The following COMMD1 variants were observed in gnomAD, a reference collection of about 807,000 sequenced individuals.
COMMD1 encodes the protein COMM domain-containing protein 1.
In COMMD1, 10 loss-of-function variants were observed where a neutral mutation model predicts 17.2. That is an observed-to-expected ratio of 0.58 (90% CI 0.36 to 0.99). The LOEUF (loss-of-function observed/expected upper bound fraction) is 0.99. Ranked by LOEUF, COMMD1 falls within the 50% of genes least tolerant of loss-of-function variation. The pLI is 0.01. For missense variants in COMMD1, 270 were observed against 231.8 expected, an observed-to-expected ratio of 1.17 and a Z score of -1.07; for synonymous variants, 97 against 91.6, an observed-to-expected ratio of 1.06 and a Z score of -0.34.
chr2:62,057,718 C>T (rs1670746066), intron 2 of COMMD1, among the ~76,000 whole-genome samples: 1 of 151,694 alleles, frequency 6.6e-6, no homozygotes, highest in Non-Finnish European at 1.5e-5. Context: ...TACAGGCATG[C>T]ACCACCATAC....
chr2:62,107,355 G>A (rs952518251), intron 2 of COMMD1, among the ~76,000 whole-genome samples: 1 of 152,182 alleles, frequency 6.6e-6, no homozygotes, highest in Admixed American at 6.5e-5. Flanking sequence ...TGGACTGGTA[G>A]CCCCAGAATC....
At chr2:61,915,626 ACT>A in intron 1 of COMMD1, 1 of 436,754 alleles carries the variant, frequency 2.3e-6, no homozygotes. Flanking sequence ...AGTAGCTGAA[ACT>A]GTAAATGCTC....
chr2:62,086,441 G>T (rs944144030), intron 2 of COMMD1, among the ~76,000 whole-genome samples: 27 of 151,690 alleles, frequency 1.8e-4, no homozygotes, highest in African/African-American at 6.5e-4. Flanking sequence ...AACCCGGGAG[G>T]CGGAGCTTGC....
rs137858336 is a variant in COMMD1, at chr2:61,939,600, T to A, written c.180+33742T>A. 1.9e-4 allele frequency among the ~76,000 whole-genome samples: 29 copies of A among 152,360 alleles called. No individual in the cohort carries two copies. The East Asian group carries it at 5.4e-3, about 28-fold the overall frequency. On this transcript the variant is annotated intron_variant, in intron 1 of 2. Coordinates refer to ENST00000311832, the MANE Select transcript of COMMD1 (RefSeq NM_152516.4). ...AAATAACCAGTGTCTCCAGTTGTTTTGTTCTAAAAGACTCTTACTGAACTT... is the reference window on the plus strand; with the variant it reads ...AAATAACCAGTGTCTCCAGTTGTTTAGTTCTAAAAGACTCTTACTGAACTT...
chr2:62,009,798 AAAAT>A (rs1468535608), intron 2 of COMMD1, among the ~76,000 whole-genome samples: 4 of 152,144 alleles, frequency 2.6e-5, no homozygotes, highest in African/African-American at 7.2e-5. Context: ...AATAAAATAA[AAAAT>A]AAAAAAGCTA....
At chr2:61,948,622 C>G (rs1328041597) in intron 1 of COMMD1, among the ~76,000 whole-genome samples, 1 of 152,278 alleles carries the variant, frequency 6.6e-6, no homozygotes, top group East Asian at 1.9e-4. Context: ...ATATAAGAGT[C>G]TGTTCTTGTC....
chr2:62,004,238 T>C (rs1251592730), intron 2 of COMMD1, among the ~76,000 whole-genome samples: 1 of 152,226 alleles, frequency 6.6e-6, no homozygotes, highest in Admixed American at 6.5e-5. Context: ...CATCACATAC[T>C]TCAAAGTAGT....
In COMMD1 at chr2:62,118,530, A is replaced by ATC. The variant is rs1672662145; in HGVS notation, c.463-17300_463-17299dup. Reference sequence around the variant, plus strand: ...CTGCAATCCTTTCTCCTAATCCCTCATCCCCATATTATTCTCTCTCAGGAT... The same window carrying ATC: ...CTGCAATCCTTTCTCCTAATCCCTCATCTCCCCATATTATTCTCTCTCAGGAT... On this transcript the variant is annotated intron_variant, in intron 2 of 2. Transcript: ENST00000311832. 2.0e-5 allele frequency among the ~76,000 whole-genome samples: 3 copies of ATC among 152,234 alleles called. No homozygotes were observed. The South Asian group carries it at 6.2e-4, about 31-fold the overall frequency.
chr2:61,928,306 A>T (rs1670379046), intron 1 of COMMD1, among the ~76,000 whole-genome samples: 1 of 151,964 alleles, frequency 6.6e-6, no homozygotes, highest in East Asian at 1.9e-4. Flanking sequence ...GATTACAGGC[A>T]TGTGCTACCA....
At chr2:62,034,625 A>C (rs983156569) in intron 2 of COMMD1, among the ~76,000 whole-genome samples, 1 of 152,208 alleles carries the variant, frequency 6.6e-6, no homozygotes, top group African/African-American at 2.4e-5. Flanking sequence ...TTTAAGGCTC[A>C]ACTCATCATT....
chr2:62,128,128 G>A (rs1672933105), intron 2 of COMMD1, among the ~76,000 whole-genome samples: 1 of 151,188 alleles, frequency 6.6e-6, no homozygotes, highest in Non-Finnish European at 1.5e-5. Context: ...AGAAATTCAA[G>A]ACTAGCCTGG....
At chr2:61,971,223 C>T (rs1485743002) in intron 1 of COMMD1, among the ~76,000 whole-genome samples, 2 of 152,198 alleles carry the variant, frequency 1.3e-5, no homozygotes, top group Non-Finnish European at 2.9e-5. Context: ...GGCTGGTTGC[C>T]GTGAGAGCAC....
chr2:61,941,521 A>G (rs918481400), intron 1 of COMMD1, among the ~76,000 whole-genome samples: 1 of 152,226 alleles, frequency 6.6e-6, no homozygotes, highest in African/African-American at 2.4e-5. Context: ...AGCTAGTTCC[A>G]TATGGCTTGC....
At chr2:62,087,333 A>G (rs1230639150) in intron 2 of COMMD1, among the ~76,000 whole-genome samples, 1 of 152,252 alleles carries the variant, frequency 6.6e-6, no homozygotes, top group East Asian at 1.9e-4. Flanking sequence ...CCTGAATGCA[A>G]CTGGAGGGTA....
upstream of COMMD1, among the ~76,000 whole-genome samples, chr2:61,903,719 AT>A (rs777414096): frequency 2.6e-5 from 4 of 151,328 alleles, no homozygotes; most frequent in Non-Finnish European, 5.9e-5. Context: ...TGCCTGGCTA[AT>A]TTTTGTATTT....
chr2:61,921,645 G>A (rs563120894), intron 1 of COMMD1, among the ~76,000 whole-genome samples: 5 of 152,158 alleles, frequency 3.3e-5, no homozygotes, highest in African/African-American at 7.2e-5. Context: ...GGGTTTCACC[G>A]TGTTAGCCAG....
intron 1 of COMMD1, among the ~76,000 whole-genome samples, chr2:61,928,470 A>T (rs1439455552): frequency 6.6e-6 from 1 of 152,104 alleles, no homozygotes; most frequent in Admixed American, 6.6e-5. Flanking sequence ...CCAGGGAGCT[A>T]TTTAATATCT....
chr2:61,890,780 T>G (rs2105151602), intron 1 of COMMD1, among the ~76,000 whole-genome samples: 1 of 145,270 alleles, frequency 6.9e-6, no homozygotes, highest in African/African-American at 2.6e-5. Flanking sequence ...TGAGCCGAGA[T>G]TGCGCCACTG....
intron 1 of COMMD1, among the ~76,000 whole-genome samples, chr2:61,890,848 A>T (rs1203502615): frequency 1.4e-5 from 2 of 146,126 alleles, no homozygotes; most frequent in Non-Finnish European, 3.0e-5. Context: ...AAAAAAAAAA[A>T]GAAGGATATT....
Sources: allele counts gnomAD v4.1 joint callset (sites outside exome capture counted in the v4.1 genomes callset), GRCh38; gene constraint gnomAD v4.1.1; transcripts MANE v1.5; gene names NCBI Gene and HGNC (gene_info 2026-07-23, HGNC 2026-07-21).